STXBP5L: variants seen among roughly 807,000 people sequenced by gnomAD.
STXBP5L encodes the protein syntaxin-binding protein 5-like.
STXBP5L carries 65 observed loss-of-function variants against 144.5 expected under a neutral mutation model. The observed-to-expected ratio is 0.45, with a 90% CI of 0.37 to 0.55. The LOEUF is 0.55. Among genes scored for constraint, STXBP5L ranks in the 20% least tolerant of loss-of-function variants. The pLI is 0.00. For synonymous variants in STXBP5L, 505 were observed against 469.6 expected (o/e 1.08, Z -0.97); for missense variants, 1,298 against 1,405.5 (o/e 0.92, Z 1.22).
chr3:120,916,652 C>T (rs573570035), intron 2 of STXBP5L, among the ~76,000 whole-genome samples: 1 of 151,978 alleles, frequency 6.6e-6, no homozygotes, highest in Non-Finnish European at 1.5e-5. Flanking sequence ...AGCATAAAAT[C>T]GACATCTTAT....
At chr3:120,950,728 C>T (rs898079173) in intron 2 of STXBP5L, among the ~76,000 whole-genome samples, 6 of 152,164 alleles carry the variant, frequency 3.9e-5, no homozygotes, top group African/African-American at 1.4e-4. Flanking sequence ...GGCCATACTG[C>T]CCAAAGTAAT....
intron 3 of STXBP5L, among the ~76,000 whole-genome samples, chr3:120,958,070 G>A (rs9718007): frequency 0.21 from 32,462 of 151,882 alleles, 3,701 homozygotes; most frequent in Non-Finnish European, 0.26. Context: ...AAGTGATAAA[G>A]GGGATATCAC....
intron 3 of STXBP5L, among the ~76,000 whole-genome samples, chr3:120,992,250 A>T (rs897551545): frequency 1.3e-5 from 2 of 152,124 alleles, no homozygotes; most frequent in Non-Finnish European, 2.9e-5. Context: ...TCAACTCAGA[A>T]TGTTTAGCAT....
intron 3 of STXBP5L, among the ~76,000 whole-genome samples, chr3:120,967,799 GT>G (rs1218287690): frequency 6.6e-6 from 1 of 151,854 alleles, no homozygotes; most frequent in Non-Finnish European, 1.5e-5. Flanking sequence ...AGTATGTTGT[GT>G]TTCCATTTTA....
intron 23 of STXBP5L, among the ~76,000 whole-genome samples, chr3:121,410,930 C>T (rs1321442250): frequency 1.3e-5 from 2 of 151,912 alleles, no homozygotes; most frequent in Non-Finnish European, 2.9e-5. Context: ...TGTTATTATA[C>T]AATATAGACA....
intron 5 of STXBP5L, among the ~76,000 whole-genome samples, chr3:121,114,102 A>G (rs753579627): frequency 6.6e-6 from 1 of 152,050 alleles, no homozygotes; most frequent in Non-Finnish European, 1.5e-5. Flanking sequence ...TCTTTTGTGG[A>G]GTAACTAAAA....
At chr3:121,402,498 G>C (rs1021433371) in intron 22 of STXBP5L, among the ~76,000 whole-genome samples, 7 of 152,000 alleles carry the variant, frequency 4.6e-5, no homozygotes, top group Non-Finnish European at 1.0e-4. Context: ...TCACAGTCAA[G>C]CTCTATAATG....
At chr3:121,329,323 A>T (rs1331813112) in intron 20 of STXBP5L, among the ~76,000 whole-genome samples, 1 of 152,216 alleles carries the variant, frequency 6.6e-6, no homozygotes, top group Non-Finnish European at 1.5e-5. Context: ...TGACCTAAGG[A>T]TACCTGGAGG....
chr3:121,340,218 A>G (rs1433433488), intron 20 of STXBP5L, among the ~76,000 whole-genome samples: 1 of 152,168 alleles, frequency 6.6e-6, no homozygotes, highest in African/African-American at 2.4e-5. Context: ...GTAGACCAAT[A>G]GAACACAACA....
intron 3 of STXBP5L, among the ~76,000 whole-genome samples, chr3:121,002,119 G>T (rs1943830350): frequency 6.6e-6 from 1 of 152,048 alleles, no homozygotes; most frequent in Admixed American, 6.6e-5. Flanking sequence ...ATTATTTGAG[G>T]ATCCTTTTTA....
intron 9 of STXBP5L, among the ~76,000 whole-genome samples, chr3:121,178,072 A>T (rs1054479587): frequency 6.6e-6 from 1 of 152,178 alleles, no homozygotes; most frequent in Non-Finnish European, 1.5e-5. Context: ...TACCTATACT[A>T]TCAAATTCAC....
At chr3:121,003,912 T>C (rs1307133297) in intron 3 of STXBP5L, among the ~76,000 whole-genome samples, 4 of 151,238 alleles carry the variant, frequency 2.6e-5, no homozygotes, top group South Asian at 4.2e-4. Context: ...ATTGGTCTAC[T>C]CTGTTTTGGT....
At chr3:121,049,530 G>C (rs552430016) in intron 5 of STXBP5L, 8 of 152,990 alleles carry the variant, frequency 5.2e-5, no homozygotes, top group Non-Finnish European at 7.4e-5. Context: ...CAGGAGGGAG[G>C]GTTGTGGATG....
intron 3 of STXBP5L, among the ~76,000 whole-genome samples, chr3:121,035,982 A>C (rs774339691): frequency 1.1e-4 from 16 of 152,142 alleles, no homozygotes; most frequent in Non-Finnish European, 2.1e-4. Context: ...TGCTGTTTTA[A>C]ATGAATTTTT....
At chr3:121,053,949 T>C (rs1948238250) in intron 5 of STXBP5L, among the ~76,000 whole-genome samples, 3 of 151,828 alleles carry the variant, frequency 2.0e-5, no homozygotes, top group African/African-American at 2.4e-5. Context: ...CAGACACTTC[T>C]CAAAAGAAGA....
chr3:121,130,406 G>A (rs2044928166), intron 7 of STXBP5L, among the ~76,000 whole-genome samples: 1 of 152,096 alleles, frequency 6.6e-6, no homozygotes, highest in Non-Finnish European at 1.5e-5. Flanking sequence ...TATTTAGGAT[G>A]TTAGCCTTGA....
chr3:121,329,028 A>G (rs1177456134), intron 20 of STXBP5L, among the ~76,000 whole-genome samples: 1 of 152,052 alleles, frequency 6.6e-6, no homozygotes, highest in African/African-American at 2.4e-5. Flanking sequence ...ACACATATAT[A>G]TAATGCATAT....
chr3:121,349,076 C>T (rs979657807), intron 20 of STXBP5L, among the ~76,000 whole-genome samples: 11 of 152,058 alleles, frequency 7.2e-5, no homozygotes, highest in African/African-American at 2.2e-4. Context: ...ATATTTCCTG[C>T]TTTCTCTTGT....
At chr3:121,089,742 G>A (rs74370757) in intron 5 of STXBP5L, among the ~76,000 whole-genome samples, 15,065 of 151,684 alleles carry the variant, frequency 0.099, 1,179 homozygotes, top group Admixed American at 0.2. Context: ...TGTCCCATAG[G>A]TTTCTGAAGC....
Sources: allele counts gnomAD v4.1 joint callset (sites outside exome capture counted in the v4.1 genomes callset), GRCh38; gene constraint gnomAD v4.1.1; transcripts MANE v1.5; gene names NCBI Gene and HGNC (gene_info 2026-07-23, HGNC 2026-07-21).